Variants in GRID2 observed in about 807,000 individuals in gnomAD.
GRID2 encodes the protein glutamate ionotropic receptor delta type subunit 2, also known as glutamate receptor ionotropic, delta-2.
Under a neutral mutation model 114.8 loss-of-function variants are expected in GRID2, and 33 were observed. The observed-to-expected ratio is 0.29, with a 90% CI of 0.22 to 0.38. The LOEUF (loss-of-function observed/expected upper bound fraction) is 0.38, where lower values mean the gene tolerates loss of function less well. Among genes scored for constraint, GRID2 ranks in the 10% least tolerant of loss-of-function variants. The probability of loss-of-function intolerance (pLI) is 1.00; values close to 1 mark genes in which losing one functional copy is unlikely to be tolerated. For missense variants in GRID2, 1,184 were observed against 1,257.7 expected, an observed-to-expected ratio of 0.94 and a Z score of 0.89; for synonymous variants, 505 against 449.9, an observed-to-expected ratio of 1.12 and a Z score of -1.55.
intron 10 of GRID2, among the ~76,000 whole-genome samples, chr4:93,426,945 G>T (rs1024693109): frequency 2.6e-5 from 4 of 151,928 alleles, no homozygotes; most frequent in Admixed American, 6.6e-5. Flanking sequence ...TGGAGGAGAA[G>T]AAACCTACAA....
intron 2 of GRID2, among the ~76,000 whole-genome samples, chr4:93,037,063 TGATAAA>T (rs1336697138): frequency 6.6e-6 from 1 of 152,166 alleles, no homozygotes; most frequent in African/African-American, 2.4e-5. Context: ...TCAGCACAGT[TGATAAA>T]GATAATATGG....
intron 8 of GRID2, among the ~76,000 whole-genome samples, chr4:93,337,731 C>T (rs566648628): frequency 6.6e-6 from 1 of 152,258 alleles, no homozygotes; most frequent in East Asian, 1.9e-4. Flanking sequence ...AGACTAATCT[C>T]TCAAAACTTG....
intron 2 of GRID2, among the ~76,000 whole-genome samples, chr4:92,753,067 G>A (rs939011398): frequency 7.2e-5 from 11 of 152,142 alleles, no homozygotes; most frequent in South Asian, 4.1e-4. Context: ...ATATTTTACT[G>A]TTTCTGATTG....
chr4:92,437,471 G>C (rs574660994), intron 1 of GRID2, among the ~76,000 whole-genome samples: 2 of 152,236 alleles, frequency 1.3e-5, no homozygotes, highest in African/African-American at 4.8e-5. Context: ...GTTTTGCCTT[G>C]TTCCCCAGGC....
chr4:92,658,991 T>A (rs1296704167), intron 2 of GRID2, among the ~76,000 whole-genome samples: 1 of 148,110 alleles, frequency 6.8e-6, no homozygotes, highest in Non-Finnish European at 1.5e-5. Context: ...AAGAGAAAAT[T>A]AAAGGAGTAC....
intron 2 of GRID2, among the ~76,000 whole-genome samples, chr4:93,007,993 C>G (rs538090318): frequency 1.1e-3 from 157 of 149,080 alleles, no homozygotes; most frequent in Non-Finnish European, 1.1e-3. Flanking sequence ...CAAGATCGTG[C>G]CATTACACTT....
chr4:92,536,374 C>T (rs1014895047), intron 1 of GRID2, among the ~76,000 whole-genome samples: 7 of 151,834 alleles, frequency 4.6e-5, no homozygotes, highest in African/African-American at 7.3e-5. Flanking sequence ...TAGACAGAAA[C>T]GTTCTCCAAG....
intron 2 of GRID2, among the ~76,000 whole-genome samples, chr4:92,985,035 T>C (rs925342648): frequency 4.6e-5 from 7 of 152,048 alleles, no homozygotes; most frequent in South Asian, 2.1e-4. Context: ...CCTCTTTGTA[T>C]TGGAAAAACA....
chr4:92,545,210 A>T (rs778584704), intron 1 of GRID2, among the ~76,000 whole-genome samples: 2 of 77,794 alleles, frequency 2.6e-5, no homozygotes, highest in African/African-American at 4.9e-5. Flanking sequence ...TAAAGAAAGT[A>T]AAAAAAAAAA....
chr4:92,752,000 T>C (rs1442135996), intron 2 of GRID2, among the ~76,000 whole-genome samples: 1 of 152,166 alleles, frequency 6.6e-6, no homozygotes, highest in African/African-American at 2.4e-5. Context: ...TTTGCAAAAG[T>C]GCGAATTTCT....
intron 8 of GRID2, among the ~76,000 whole-genome samples, chr4:93,239,974 C>T (rs2149514804): frequency 6.6e-6 from 1 of 151,648 alleles, no homozygotes; most frequent in African/African-American, 2.4e-5. Context: ...CTTGTTGTTA[C>T]ATGGAGTGGC....
chr4:93,615,408 G>A (rs1430815166), intron 13 of GRID2, among the ~76,000 whole-genome samples: 1 of 152,098 alleles, frequency 6.6e-6, no homozygotes, highest in Non-Finnish European at 1.5e-5. Context: ...TGTGAAATTG[G>A]TGCTAGATTC....
intron 10 of GRID2, among the ~76,000 whole-genome samples, chr4:93,424,157 C>A (rs1386515941): frequency 6.6e-6 from 1 of 151,592 alleles, no homozygotes; most frequent in African/African-American, 2.4e-5. Context: ...ATTTTATTAA[C>A]CTCATACCAA....
At chr4:93,214,195 A>G (rs1212087837) in intron 5 of GRID2, among the ~76,000 whole-genome samples, 1 of 151,982 alleles carries the variant, frequency 6.6e-6, no homozygotes, top group African/African-American at 2.4e-5. Flanking sequence ...TTTATTGGTA[A>G]ACTAGTTCTT....
At chr4:93,664,517 C>G (rs1247759554) in intron 14 of GRID2, among the ~76,000 whole-genome samples, 1 of 152,134 alleles carries the variant, frequency 6.6e-6, no homozygotes. Flanking sequence ...ACAGAATTTG[C>G]TAACATGTTG....
chr4:92,556,227 A>G (rs2149177480), intron 1 of GRID2, among the ~76,000 whole-genome samples: 1 of 152,240 alleles, frequency 6.6e-6, no homozygotes, highest in South Asian at 2.1e-4. Context: ...GAAGCTAAGG[A>G]TTTTCCAAAG....
chr4:92,620,274 C>A (rs1730206096), intron 2 of GRID2, among the ~76,000 whole-genome samples: 1 of 151,662 alleles, frequency 6.6e-6, no homozygotes, highest in Non-Finnish European at 1.5e-5. Flanking sequence ...AAGAAAATAG[C>A]TGCCTACAAT....
chr4:92,816,715 G>C (rs1218706232), intron 2 of GRID2, among the ~76,000 whole-genome samples: 1 of 152,106 alleles, frequency 6.6e-6, no homozygotes, highest in Non-Finnish European at 1.5e-5. Flanking sequence ...ACTGTTTAAA[G>C]TTTACATAAC....
At chr4:93,755,544 C>G (rs780759031) in intron 14 of GRID2, among the ~76,000 whole-genome samples, 8 of 152,300 alleles carry the variant, frequency 5.3e-5, no homozygotes, top group Middle Eastern at 6.8e-3. Flanking sequence ...CCTGAAACTA[C>G]TTAGGAATCC....
Sources: gnomAD v4.1 joint callset for allele counts (sites outside exome capture counted in the v4.1 genomes callset) on GRCh38, gnomAD v4.1.1 for gene constraint, MANE v1.5 for transcripts, NCBI Gene and HGNC (gene_info 2026-07-23, HGNC 2026-07-21) for gene names.